BLTP1: variants seen among roughly 807,000 people sequenced by gnomAD.
BLTP1 encodes bridge-like lipid transfer protein family member 1, also known as fragile site-associated protein.
chr4:122,257,533 C>G, the BLTP1 span: 3 of 1,588,852 alleles, frequency 1.9e-6, no homozygotes, highest in African/African-American at 2.7e-5. Context: ...TTTCTTACAC[C>G]TCACAAAACT....
At chr4:122,307,272 A>G in the BLTP1 span, among the ~76,000 whole-genome samples, 2 of 152,152 alleles carry the variant, frequency 1.3e-5, no homozygotes. Context: ...AAGTTTTGAC[A>G]GCATTTTGGC....
chr4:122,248,770 A>G, the BLTP1 span, among the ~76,000 whole-genome samples: 1 of 152,062 alleles, frequency 6.6e-6, no homozygotes, highest in Non-Finnish European at 1.5e-5. Flanking sequence ...TGAGGAAATT[A>G]TTTACTGTTG....
chr4:122,356,140 C>T, the BLTP1 span: 1 of 594,036 alleles, frequency 1.7e-6, no homozygotes, highest in Admixed American at 3.3e-5. Context: ...GCTATATGAC[C>T]TCTGGAAAAT....
At chr4:122,169,244 C>T in the BLTP1 span, among the ~76,000 whole-genome samples, 7 of 152,144 alleles carry the variant, frequency 4.6e-5, no homozygotes, top group African/African-American at 1.7e-4. Flanking sequence ...TTCTTGGCCT[C>T]ATCCAATTTT....
the BLTP1 span, chr4:122,201,056 A>G: frequency 2.5e-6 from 4 of 1,613,848 alleles, no homozygotes; most frequent in South Asian, 4.4e-5. Context: ...TGCCGCAGAC[A>G]TGGCAGTGTG....
At chr4:122,325,717 C>T in the BLTP1 span, 1 of 855,492 alleles carries the variant, frequency 1.2e-6, no homozygotes, top group African/African-American at 1.8e-5. Context: ...AGATCAGCTT[C>T]AAAGTTGTAT....
At chr4:122,346,294 C>T in the BLTP1 span, 7 of 268,128 alleles carry the variant, frequency 2.6e-5, no homozygotes, top group Non-Finnish European at 3.4e-5. Flanking sequence ...AATTTGTATA[C>T]CAGCTCATCC....
the BLTP1 span, chr4:122,250,455 ATTC>A: frequency 6.8e-6 from 11 of 1,613,906 alleles, no homozygotes; most frequent in Non-Finnish European, 9.3e-6. Flanking sequence ...ACATCCAATA[ATTC>A]TTCTGATTCT....
the BLTP1 span, chr4:122,154,929 A>G: frequency 5.5e-5 from 52 of 952,294 alleles, no homozygotes; most frequent in Non-Finnish European, 6.5e-5. Flanking sequence ...TGTTTTTCAT[A>G]GAATATTGTG....
the BLTP1 span, chr4:122,173,049 C>G: frequency 6.2e-7 from 1 of 1,613,050 alleles, no homozygotes; most frequent in East Asian, 2.2e-5. Flanking sequence ...CCATTTTGTC[C>G]TGTGGATGGA....
chr4:122,176,630 T>TA, the BLTP1 span, among the ~76,000 whole-genome samples: 4 of 152,196 alleles, frequency 2.6e-5, no homozygotes, highest in East Asian at 3.8e-4. Flanking sequence ...ATTTACTTGT[T>TA]AAACAATTTT....
At chr4:122,337,467 C>T in the BLTP1 span, among the ~76,000 whole-genome samples, 2 of 152,030 alleles carry the variant, frequency 1.3e-5, no homozygotes, top group African/African-American at 4.8e-5. Flanking sequence ...TATGGGTCCT[C>T]AAAGTACAGT....
chr4:122,305,810 A>T, the BLTP1 span: 2 of 1,420,498 alleles, frequency 1.4e-6, no homozygotes, highest in Admixed American at 5.0e-5. Flanking sequence ...TACCATTAAT[A>T]ATGTTTAGTT....
the BLTP1 span, chr4:122,264,115 AT>A: frequency 1.5e-5 from 18 of 1,236,702 alleles, no homozygotes; most frequent in South Asian, 3.4e-5. Flanking sequence ...AGTATGCATT[AT>A]TTTTTTTCTT....
the BLTP1 span, among the ~76,000 whole-genome samples, chr4:122,332,276 A>T: frequency 6.6e-6 from 1 of 151,986 alleles, no homozygotes; most frequent in South Asian, 2.1e-4. Context: ...ATGAGAAAAT[A>T]AAAAAGGTAC....
the BLTP1 span, chr4:122,309,526 T>C: frequency 3.4e-6 from 5 of 1,490,712 alleles, no homozygotes; most frequent in Middle Eastern, 1.8e-4. Flanking sequence ...TAAGTCTCCA[T>C]TTGTGAAATT....
chr4:122,291,514 CTGTTA>C, the BLTP1 span, among the ~76,000 whole-genome samples: 1 of 152,138 alleles, frequency 6.6e-6, no homozygotes, highest in African/African-American at 2.4e-5. Context: ...AGGACATTTT[CTGTTA>C]TGTAGGAAGA....
the BLTP1 span, chr4:122,330,909 T>C: frequency 1.3e-6 from 1 of 779,104 alleles, no homozygotes; most frequent in Non-Finnish European, 1.6e-6. Flanking sequence ...AATTTCATTT[T>C]TTTTGATGTG....
chr4:122,334,577 C>A, the BLTP1 span: 2 of 1,593,022 alleles, frequency 1.3e-6, no homozygotes, highest in South Asian at 2.3e-5. Context: ...TATTTTTTGT[C>A]ATTTTAAAAA....
Sources: gnomAD v4.1 joint callset for allele counts (sites outside exome capture counted in the v4.1 genomes callset) on GRCh38, gnomAD v4.1.1 for gene constraint, MANE v1.5 for transcripts, NCBI Gene and HGNC (gene_info 2026-07-23, HGNC 2026-07-21) for gene names.